PRAMEF12: variants seen among roughly 807,000 people sequenced by gnomAD.
The protein encoded by PRAMEF12 is PRAME family member 12.
PRAMEF12 carries 24 observed loss-of-function variants against 24.6 expected under a neutral mutation model. That is an observed-to-expected ratio of 0.98 (90% CI 0.71 to 1.37). The LOEUF (loss-of-function observed/expected upper bound fraction) is 1.37. PRAMEF12 is among the 40% of genes most tolerant of loss of function. The pLI is 0.00. For missense variants in PRAMEF12, 646 were observed against 580.3 expected, an observed-to-expected ratio of 1.11 and a Z score of -1.16; for synonymous variants, 286 against 242.6, an observed-to-expected ratio of 1.18 and a Z score of -1.66.
chr1:12,775,523 C>G lies in PRAMEF12; in HGVS notation c.288-20C>G, dbSNP rs754794201. 9.4e-6 allele frequency: 15 copies of G among 1,587,532 alleles called. No homozygotes were observed. Among genetic ancestry groups the G allele is most frequent in the Admixed American group, 1.8e-5 (1 of 55,772 alleles). On this transcript the variant is annotated intron_variant, in intron 1 of 2. Transcript: ENST00000357726. Reference sequence around the variant, plus strand: ...CAAATCCTTCCTAAATTTGGAGCCTCTCTTCTCTTTTACCCACAGGCGGTG... The same window carrying G: ...CAAATCCTTCCTAAATTTGGAGCCTGTCTTCTCTTTTACCCACAGGCGGTG...
rs543769912 is a variant in PRAMEF12 at position 12,775,894 on chromosome 1, G to C, written c.639G>C (p.Pro213=). 1 of 1,614,082 alleles carries C rather than the reference G, an allele frequency of 6.2e-7. No individual in the cohort carries two copies. The highest frequency in any genetic ancestry group is 1.1e-5 in the South Asian group (1 of 91,074). ...TCCAGGAGGTGGAAGTGTGCTGCCC[G>C]TGGGAGCTGTCCATTCTTATAAGGT... is the stretch of plus-strand genomic sequence containing the variant. The part of the protein sequence containing the change: ...DCIQEVEVCC[P]WELSILIRFA... The change falls in exon 2 of 3, where the codon CCG becomes CCC. Residue 213 remains proline, a synonymous_variant. Coordinates refer to ENST00000357726, the MANE Select transcript of PRAMEF12 (RefSeq NM_001080830.5).
rs770796143 is a variant in PRAMEF12, at chr1:12,774,928, C to A, written c.61C>A (p.Arg21=). 4.0e-5 allele frequency: 65 copies of A among 1,613,946 alleles called. No homozygotes were observed. In the South Asian group the frequency reaches 5.5e-4, roughly 14 times the overall value. ...ELAEQSLLRD[R]ALAIPTLEEL... The stretch of plus-strand genomic sequence containing the variant: ...GGCTGAGCAGAGTCTGCTGAGAGAC[C>A]GGGCCTTGGCCATCCCCACCCTGGA... The change falls in exon 1 of 3, where the codon CGG becomes AGG. Residue 21 remains arginine (R), a synonymous_variant. Coordinates refer to ENST00000357726, the MANE Select transcript of PRAMEF12 (RefSeq NM_001080830.5).
chr1:12,777,415 C>T lies in PRAMEF12; in HGVS notation c.1268C>T (p.Ala423Val), dbSNP rs1395067567. 10 of 1,613,804 alleles carry T rather than the reference C, an allele frequency of 6.2e-6. No homozygotes were observed. Among genetic ancestry groups the T allele is most frequent in the Admixed American group, 1.7e-5 (1 of 59,982 alleles). The change falls in exon 3 of 3, where the codon GCT becomes GTT. Residue 423 changes from alanine to valine, a missense_variant. By Grantham distance (64) the Ala-to-Val change is moderately conservative. Transcript: ENST00000357726. The part of the protein sequence containing the change: ...APLESYDAQG[A>V]LCWGRFSQLG... ...CTGGAGAGTTATGATGCCCAGGGTG[C>T]TCTCTGCTGGGGAAGATTTTCTCAA... is the stretch of plus-strand genomic sequence containing the variant.
Position 12,773,802 on chromosome 1 carries a change from C to CT in PRAMEF12, c.-1065dup, listed in dbSNP as rs919550706. 7.9e-5 allele frequency among the ~76,000 whole-genome samples: 12 copies of CT among 152,176 alleles called. No individual in the cohort carries two copies. The highest frequency in any genetic ancestry group is 2.9e-4 in the African/African-American group (12 of 41,442). The stretch of plus-strand genomic sequence containing the variant: ...CTGAGAGGTTGCAGCACCCTGCAAA[C>CT]TGAGTCCAGATCTGGTAAGTCACCA... On this transcript the variant is annotated 5_prime_UTR_variant, in exon 1 of 3. Coordinates refer to ENST00000357726, the MANE Select transcript of PRAMEF12 (RefSeq NM_001080830.5).
Position 12,774,950 on chromosome 1 carries a change from T to C in PRAMEF12, c.83T>C (p.Leu28Pro), listed in dbSNP as rs1242880459. 2 of 1,614,026 alleles carry C rather than the reference T, an allele frequency of 1.2e-6. No homozygotes were observed. The highest frequency in any genetic ancestry group is 1.7e-6 in the Non-Finnish European group (2 of 1,179,986). ...GACCGGGCCTTGGCCATCCCCACCCTGGAGGAGCTGCCCAGGGAGCTCTTT... is the reference window on the plus strand; with the variant it reads ...GACCGGGCCTTGGCCATCCCCACCCCGGAGGAGCTGCCCAGGGAGCTCTTT... ...LRDRALAIPT[L>P]EELPRELFPP... Residue 28 changes from leucine (L) to proline (P), a missense_variant, in exon 1 of 3, where the codon CTG becomes CCG. By Grantham distance (98) the Leu-to-Pro change is moderately conservative. Coordinates refer to ENST00000357726, the MANE Select transcript of PRAMEF12 (RefSeq NM_001080830.5).
In PRAMEF12 at chr1:12,775,757, T is replaced by G; in HGVS notation, c.502T>G (p.Trp168Gly). Residue 168 changes from tryptophan (W) to glycine (G), a missense_variant, in exon 2 of 3, where the codon TGG (tryptophan) becomes GGG (glycine). Transcript: ENST00000357726. ...LDECLTHFLE[W>G]GKQRKGLLHV... ...TGAATGCCTCACCCACTTCTTAGAGTGGGGCAAGCAGAGAAAAGGCTTACT... is the reference window on the plus strand; with the variant it reads ...TGAATGCCTCACCCACTTCTTAGAGGGGGGCAAGCAGAGAAAAGGCTTACT... The G allele has an allele frequency of 3.1e-6, 5 of 1,612,918 alleles. No individual in the cohort carries two copies. The South Asian group carries it at 5.5e-5, about 18-fold the overall frequency.
intron 2 of PRAMEF12, among the ~76,000 whole-genome samples, 189 bp downstream of exon 2, chr1:12,776,307 G>A (rs1020906806): frequency 6.6e-6 from 1 of 152,132 alleles, no homozygotes; most frequent in African/African-American, 2.4e-5. Flanking sequence ...ATCCCAATAA[G>A]CCAGCGGGAT....
Position 12,775,570 on chromosome 1 carries a change from G to A in PRAMEF12, c.315G>A (p.Leu105=), listed in dbSNP as rs1051536575. The A allele has an allele frequency of 2.5e-6, 4 of 1,612,846 alleles. No homozygotes were observed. The highest frequency in any genetic ancestry group is 3.4e-6 in the Non-Finnish European group (4 of 1,179,232). Residue 105 remains leucine (L), a synonymous_variant, in exon 2 of 3, where the codon TTG becomes TTA. Coordinates refer to ENST00000357726, the MANE Select transcript of PRAMEF12 (RefSeq NM_001080830.5). ...PRRWKLQVLD[L]RNVDENFWGI... is the part of the protein sequence containing the mutation. Reference sequence around the variant, plus strand: ...GGTGGAAACTTCAAGTGTTGGACTTGCGGAATGTGGATGAGAACTTCTGGG... The same window carrying A: ...GGTGGAAACTTCAAGTGTTGGACTTACGGAATGTGGATGAGAACTTCTGGG...
Position 12,774,841 on chromosome 1 carries a change from G to A in PRAMEF12, c.-27G>A. 6.4e-7 allele frequency: 1 copy of A among 1,558,976 alleles called. No homozygotes were observed. The highest frequency in any genetic ancestry group is 8.7e-7 in the Non-Finnish European group (1 of 1,154,714). Reference sequence around the variant, plus strand: ...AAGTGATGTGATTTGCCGTAAGAATGATGTTTTTTTCTCTAGATTCATCAG... The same window carrying A: ...AAGTGATGTGATTTGCCGTAAGAATAATGTTTTTTTCTCTAGATTCATCAG... On this transcript the variant is annotated 5_prime_UTR_variant, in exon 1 of 3. An upstream start codon of the reference 5' UTR is lost. Coordinates refer to ENST00000357726, the MANE Select transcript of PRAMEF12 (RefSeq NM_001080830.5).
chr1:12,775,356 C>T (rs1198145884), intron 1 of PRAMEF12, among the ~76,000 whole-genome samples, 187 bp from the exon 2 acceptor site: 1 of 152,180 alleles, frequency 6.6e-6, no homozygotes, highest in Non-Finnish European at 1.5e-5. Context: ...GATCAGGAAC[C>T]TGCCTCCTGC....
intron 2 of PRAMEF12, among the ~76,000 whole-genome samples, chr1:12,776,731 G>T (rs1004355116): frequency 2.6e-5 from 4 of 152,146 alleles, no homozygotes; most frequent in Admixed American, 6.5e-5. Context: ...ATTTATGCCT[G>T]TGTCTCCATC....
At chr1:12,775,189 C>T (rs1639031285) in intron 1 of PRAMEF12, 35 bp downstream of exon 1, 1 of 1,579,364 alleles carries the variant, frequency 6.3e-7, no homozygotes, top group Admixed American at 1.8e-5. Flanking sequence ...GGGGAGGGCT[C>T]AGGCATCCAG....
rs1185004784 is a variant in PRAMEF12 at position 12,774,728 on chromosome 1, G to T, written c.-140G>T. 7 of 775,654 alleles carry T rather than the reference G, an allele frequency of 9.0e-6. 1 individual carries two copies. Among genetic ancestry groups the T allele is most frequent in the Admixed American group, 2.9e-5 (1 of 34,254 alleles). 48.0% of individuals were successfully genotyped at this position (775,654 alleles called of 1,614,324 possible). ...CCAGCAAGGGCAGAATTACAGATTT[G>T]TGTCCAGAAAGTGCAGAGTGGAATT... is the stretch of plus-strand genomic sequence containing the variant. On this transcript the variant is annotated 5_prime_UTR_variant, in exon 1 of 3. Transcript: ENST00000357726.
rs79193271 is a variant in PRAMEF12, at chr1:12,777,328, A to G, written c.1181A>G (p.Glu394Gly). The G allele has an allele frequency of 0.028, 44,819 of 1,589,224 alleles. No individual in the cohort carries two copies. Among genetic ancestry groups the G allele is most frequent in the East Asian group, 0.043 (1,829 of 42,240 alleles). Residue 394 changes from glutamate (E) to glycine (G), a missense_variant, in exon 3 of 3, where the codon GAG becomes GGG. Glu to Gly is a moderately conservative substitution (Grantham distance 98, BLOSUM62 -2). Coordinates refer to ENST00000357726, the MANE Select transcript of PRAMEF12 (RefSeq NM_001080830.5). ...AACCTCATCTCCATGGCCGCCCTGG[A>G]GAACCTGCTGCGCCACACCGTCGGG... is the stretch of plus-strand genomic sequence containing the variant. ...CGNLISMAAL[E>G]NLLRHTVGLS...
rs775174024 is a variant in PRAMEF12 at position 12,776,047 on chromosome 1, G to A, written c.792G>A (p.Lys264=). Residue 264 remains lysine (K), a synonymous_variant, in exon 2 of 3, where the codon AAG becomes AAA. Transcript: ENST00000357726. ...TCCAGTTCACCTCTCAGTTCCTCAAGCTGGACTACTTCCAGAAGCTTTACA... is the reference window on the plus strand; with the variant it reads ...TCCAGTTCACCTCTCAGTTCCTCAAACTGGACTACTTCCAGAAGCTTTACA... ...FVIQFTSQFL[K]LDYFQKLYMH... 6.8e-6 allele frequency: 11 copies of A among 1,614,082 alleles called. No homozygotes were observed. In the East Asian group the frequency reaches 2.2e-4, roughly 33 times the overall value.
chr1:12,774,893 T>C lies in PRAMEF12; in HGVS notation c.26T>C (p.Leu9Pro), dbSNP rs780251134. The C allele has an allele frequency of 4.3e-6, 7 of 1,612,124 alleles. No homozygotes were observed. In the African/African-American group the frequency reaches 8.0e-5, roughly 18 times the overall value. The change falls in exon 1 of 3, where the codon CTC (leucine) becomes CCC (proline). Residue 9 changes from leucine to proline, a missense_variant. Transcript: ENST00000357726. ...ATGAGCCTCCAGGCCCCACCTAGACTCCTGGAGCTGGCTGAGCAGAGTCTG... is the reference window on the plus strand; with the variant it reads ...ATGAGCCTCCAGGCCCCACCTAGACCCCTGGAGCTGGCTGAGCAGAGTCTG... MSLQAPPR[L>P]LELAEQSLLR... is the part of the protein sequence containing the mutation.
In PRAMEF12 at chr1:12,777,029, G is replaced by T. The variant is rs1289961165; in HGVS notation, c.882G>T (p.Leu294Phe). ...CTCCCAGGTGTCTCCAGGCCCCCTT[G>T]GAGACAGTCGTAATGACCGAATGCC... ...DQLLRCLQAP[L>F]ETVVMTECLL... The change falls in exon 3 of 3, where the codon TTG becomes TTT. Residue 294 changes from leucine (L) to phenylalanine (F), a missense_variant. Transcript: ENST00000357726. 3 of 1,612,852 alleles carry T rather than the reference G, an allele frequency of 1.9e-6. No individual in the cohort carries two copies. The highest frequency in any genetic ancestry group is 1.1e-5 in the South Asian group (1 of 90,926).
At chr1:12,775,311 G>A (rs572621864) in intron 1 of PRAMEF12, among the ~76,000 whole-genome samples, 157 bp downstream of exon 1, 1 of 152,144 alleles carries the variant, frequency 6.6e-6, no homozygotes, top group Non-Finnish European at 1.5e-5. Flanking sequence ...AGCTCCTCTG[G>A]GAAAGGACTG....
In PRAMEF12 at chr1:12,775,956, A is replaced by T; in HGVS notation, c.701A>T (p.Lys234Ile). 2 of 1,614,084 alleles carry T rather than the reference A, an allele frequency of 1.2e-6. No individual in the cohort carries two copies. The highest frequency in any genetic ancestry group is 1.7e-6 in the Non-Finnish European group (2 of 1,180,016). The change falls in exon 2 of 3, where the codon AAA (lysine) becomes ATA (isoleucine). Residue 234 changes from lysine to isoleucine, a missense_variant. Lys to Ile is a moderately radical substitution (Grantham distance 102). Coordinates refer to ENST00000357726, the MANE Select transcript of PRAMEF12 (RefSeq NM_001080830.5). ...PYLGQMRNLR[K>I]LVLFNIHVSA... is the part of the protein sequence containing the mutation. Reference sequence around the variant, plus strand: ...CTGGGCCAGATGAGGAATCTCCGCAAACTTGTTCTCTTCAACATCCATGTC... The same window carrying T: ...CTGGGCCAGATGAGGAATCTCCGCATACTTGTTCTCTTCAACATCCATGTC...
Sources: gnomAD v4.1 joint callset for allele counts (sites outside exome capture counted in the v4.1 genomes callset) on GRCh38, gnomAD v4.1.1 for gene constraint, MANE v1.5 for transcripts, NCBI Gene and HGNC (gene_info 2026-07-23, HGNC 2026-07-21) for gene names.